The following COL10A1 variants were observed in gnomAD, a reference collection of about 807,000 sequenced individuals.
COL10A1 encodes collagen alpha-1(X) chain.
In COL10A1, 10 loss-of-function variants were observed where a neutral mutation model predicts 18.2. That is an observed-to-expected ratio of 0.55 (90% CI 0.34 to 0.93). COL10A1 has a LOEUF of 0.93. COL10A1 is among the 40% of genes least tolerant of loss of function. The pLI, the probability that COL10A1 is intolerant of heterozygous loss-of-function variation, is 0.02. For synonymous variants in COL10A1, 330 were observed against 316.6 expected (o/e 1.04, Z -0.45); for missense variants, 897 against 853.5 (o/e 1.05, Z -0.64).
upstream of COL10A1, among the ~76,000 whole-genome samples, chr6:116,162,052 T>A (rs546976680): frequency 3.9e-5 from 6 of 152,314 alleles, no homozygotes; most frequent in East Asian, 1.2e-3. Context: ...TAAATGAGAT[T>A]GAGTTTTTTA....
intron 1 of COL10A1, among the ~76,000 whole-genome samples, chr6:116,143,103 A>G (rs1328240184): frequency 6.6e-6 from 1 of 152,226 alleles, no homozygotes; most frequent in Non-Finnish European, 1.5e-5. Context: ...TTTAGAAATA[A>G]TATTAAAATG....
intron 2 of COL10A1, among the ~76,000 whole-genome samples, chr6:116,122,670 A>T (rs1779167800): frequency 6.6e-6 from 1 of 152,226 alleles, no homozygotes; most frequent in Admixed American, 6.5e-5. Context: ...AGTGCCTGTG[A>T]TGTGAAAAAT....
upstream of COL10A1, among the ~76,000 whole-genome samples, chr6:116,126,292 T>C (rs1779307593): frequency 6.6e-6 from 1 of 152,194 alleles, no homozygotes; most frequent in African/African-American, 2.4e-5. Context: ...TCCTTTTCCT[T>C]GTTTTCTTAT....
At chr6:116,168,995 A>G in the COL10A1 span, among the ~76,000 whole-genome samples, 5 of 151,936 alleles carry the variant, frequency 3.3e-5, no homozygotes, top group African/African-American at 1.2e-4. Context: ...CTTCTAATAA[A>G]CCCTGGAGAG....
chr6:116,156,108 A>G (rs1780186461), intron 1 of COL10A1, among the ~76,000 whole-genome samples: 1 of 152,180 alleles, frequency 6.6e-6, no homozygotes, highest in Non-Finnish European at 1.5e-5. Context: ...TGTAAAGGTC[A>G]ATAATACATA....
chr6:116,151,845 A>G (rs1010747236), intron 1 of COL10A1, among the ~76,000 whole-genome samples: 4 of 152,228 alleles, frequency 2.6e-5, no homozygotes, highest in Non-Finnish European at 5.9e-5. Context: ...TTATTGAGAT[A>G]TTAATAAACT....
the COL10A1 span, among the ~76,000 whole-genome samples, chr6:116,202,658 T>C: frequency 6.6e-6 from 1 of 151,988 alleles, no homozygotes; most frequent in African/African-American, 2.4e-5. Context: ...CACATGATGT[T>C]TGTTAGGTTA....
intron 1 of COL10A1, among the ~76,000 whole-genome samples, chr6:116,153,068 A>C (rs566065096): frequency 6.6e-6 from 1 of 152,008 alleles, no homozygotes; most frequent in African/African-American, 2.4e-5. Context: ...GAGGTAGGCT[A>C]ATATATAACA....
intron 1 of COL10A1, among the ~76,000 whole-genome samples, chr6:116,154,619 G>C (rs1413688274): frequency 6.6e-6 from 1 of 152,002 alleles, no homozygotes; most frequent in Non-Finnish European, 1.5e-5. Flanking sequence ...AAAGTACACA[G>C]TTCATGGTGT....
the COL10A1 span, among the ~76,000 whole-genome samples, chr6:116,164,990 G>A: frequency 1.3e-5 from 2 of 151,692 alleles, no homozygotes; most frequent in Admixed American, 6.6e-5. Flanking sequence ...CCAGCTACTC[G>A]GGAGGCTGGG....
At chr6:116,138,572 G>C (rs577202762) in intron 1 of COL10A1, among the ~76,000 whole-genome samples, 1 of 151,990 alleles carries the variant, frequency 6.6e-6, no homozygotes, top group Non-Finnish European at 1.5e-5. Context: ...TGCGAATGTC[G>C]ATATATTTGT....
At chr6:116,200,001 G>GGT in the COL10A1 span, among the ~76,000 whole-genome samples, 5 of 149,858 alleles carry the variant, frequency 3.3e-5, no homozygotes, top group African/African-American at 1.2e-4. Context: ...ATGGAAAGTG[G>GGT]GGGGGGAAGA....
the COL10A1 span, among the ~76,000 whole-genome samples, chr6:116,206,002 A>G: frequency 2.0e-5 from 3 of 152,006 alleles, no homozygotes; most frequent in Non-Finnish European, 2.9e-5. Flanking sequence ...GAATGATCTA[A>G]TAGACCATTG....
upstream of COL10A1, among the ~76,000 whole-genome samples, chr6:116,159,710 C>T (rs1228560661): frequency 6.6e-6 from 1 of 152,098 alleles, no homozygotes; most frequent in Non-Finnish European, 1.5e-5. Context: ...TTTTGGGTTT[C>T]TAGTGAACCC....
the COL10A1 span, among the ~76,000 whole-genome samples, chr6:116,169,388 G>A: frequency 6.6e-6 from 1 of 152,162 alleles, no homozygotes; most frequent in Non-Finnish European, 1.5e-5. Context: ...TCCAGTTTAT[G>A]ACTGTTACAA....
At chr6:116,167,480 A>G in the COL10A1 span, among the ~76,000 whole-genome samples, 3 of 152,164 alleles carry the variant, frequency 2.0e-5, no homozygotes, top group East Asian at 1.9e-4. Flanking sequence ...CCAAAGTGCT[A>G]GGATTACAGG....
At chr6:116,211,952 A>G in the COL10A1 span, among the ~76,000 whole-genome samples, 1 of 152,010 alleles carries the variant, frequency 6.6e-6, no homozygotes, top group Non-Finnish European at 1.5e-5. Flanking sequence ...TCATTCACGC[A>G]GTGAGGCCTG....
chr6:116,130,367 A>G (rs1171726209), upstream of COL10A1, among the ~76,000 whole-genome samples: 1 of 152,138 alleles, frequency 6.6e-6, no homozygotes, highest in Non-Finnish European at 1.5e-5. Context: ...ACTATTGTTC[A>G]GAATTTTTTC....
chr6:116,181,031 G>A, the COL10A1 span, among the ~76,000 whole-genome samples: 1 of 151,818 alleles, frequency 6.6e-6, no homozygotes, highest in Non-Finnish European at 1.5e-5. Flanking sequence ...ATACTTAAAG[G>A]TATTTTGGGA....
Sources: allele counts gnomAD v4.1 joint callset (sites outside exome capture counted in the v4.1 genomes callset), GRCh38; gene constraint gnomAD v4.1.1; transcripts MANE v1.5; gene names NCBI Gene and HGNC (gene_info 2026-07-23, HGNC 2026-07-21).